The following MARCHF6 variants were observed in gnomAD, a reference collection of about 807,000 sequenced individuals.
MARCHF6 encodes the protein membrane associated ring-CH-type finger 6, also known as E3 ubiquitin-protein ligase MARCHF6.
A neutral mutation model predicts 133.7 loss-of-function variants in MARCHF6; 31 were observed. That is an observed-to-expected ratio of 0.23 (90% CI 0.17 to 0.31). The LOEUF (loss-of-function observed/expected upper bound fraction) is 0.31, where lower values mean the gene tolerates loss of function less well. MARCHF6 is among the 10% of genes least tolerant of loss of function. The pLI is 1.00. For missense variants in MARCHF6, 723 were observed against 1,121.6 expected, an observed-to-expected ratio of 0.64 and a Z score of 5.08; for synonymous variants, 395 against 402.5, an observed-to-expected ratio of 0.98 and a Z score of 0.22.
At chr5:10,376,431 C>A (rs1561107882) in intron 1 of MARCHF6, among the ~76,000 whole-genome samples, 1 of 152,004 alleles carries the variant, frequency 6.6e-6, no homozygotes, top group South Asian at 2.1e-4. Flanking sequence ...AAACTCCAGA[C>A]GCGACACCTT....
intron 20 of MARCHF6, 144 bp from the exon 21 acceptor site, chr5:10,415,344 T>G: frequency 1.3e-6 from 1 of 743,312 alleles, no homozygotes; most frequent in East Asian, 2.6e-5. Flanking sequence ...ATTGTGATTT[T>G]TGTCTTTTGT....
At chr5:10,366,922 T>G (rs1040242165) in intron 1 of MARCHF6, among the ~76,000 whole-genome samples, 3 of 152,238 alleles carry the variant, frequency 2.0e-5, no homozygotes, top group Non-Finnish European at 4.4e-5. Flanking sequence ...TCCAGTGGTA[T>G]ACTGAGTTGA....
At chr5:10,395,099 A>G (rs1056560210) in intron 9 of MARCHF6, among the ~76,000 whole-genome samples, 4 of 152,196 alleles carry the variant, frequency 2.6e-5, no homozygotes, top group African/African-American at 9.6e-5. Flanking sequence ...GCGCCCGGCC[A>G]AAACTAATTC....
rs1740616668 is a variant in MARCHF6 at position 10,435,683 on chromosome 5, ATATATATATATATATTT to A, written c.*2001_*2017del. 1.8e-4 allele frequency: 1 copy of A among 5,704 alleles called. No individual in the cohort carries two copies. The highest frequency in any genetic ancestry group is 6.8e-3 in the East Asian group (1 of 148). 0.4% of individuals were successfully genotyped at this position (5,704 alleles called of 1,614,324 possible). A position where few individuals can be genotyped will look rare whatever the true frequency, so the allele number is the denominator to read the frequency against. On this transcript the variant is annotated 3_prime_UTR_variant, in exon 26 of 26. Coordinates refer to ENST00000274140, the MANE Select transcript of MARCHF6 (RefSeq NM_005885.4). Reference sequence around the variant, plus strand: ...TATATATATATATATATATATATATATATATATATATATATTTTTTTTTTTTTTTTTTTTTTTTTTTT... The same window carrying A: ...TATATATATATATATATATATATATATTTTTTTTTTTTTTTTTTTTTTTTT...
chr5:10,410,759 T>C (rs1739182859), intron 18 of MARCHF6, among the ~76,000 whole-genome samples: 2 of 152,192 alleles, frequency 1.3e-5, no homozygotes, highest in Non-Finnish European at 2.9e-5. Flanking sequence ...CTTGTAGGTA[T>C]CTTAAAGGTG....
At position 10,407,219 on chromosome 5, in the gene MARCHF6, T is replaced by G. The variant is rs1174228142; in HGVS notation, c.1553+17T>G. On this transcript the variant is annotated intron_variant, in intron 17 of 25. Coordinates refer to ENST00000274140, the MANE Select transcript of MARCHF6 (RefSeq NM_005885.4). ...GCTCTACAGGTAAGTTTTAAAAATT[T>G]AGAATAGCTTTACTAATTTATCTCT... The G allele has an allele frequency of 7.3e-7, 1 of 1,370,438 alleles. No individual in the cohort carries two copies. Among genetic ancestry groups the G allele is most frequent in the Non-Finnish European group, 1.0e-6 (1 of 967,980 alleles). The allele number at this position is 1,370,438 out of a possible 1,614,324, so 84.9% of individuals were successfully genotyped here. A position where few individuals can be genotyped will look rare whatever the true frequency, so the allele number is the denominator to read the frequency against.
rs566265237 is a variant in MARCHF6, at chr5:10,426,017, AAC to A, written c.2374-369_2374-368del. On this transcript the variant is annotated intron_variant, in intron 23 of 25. Transcript: ENST00000274140. ...TAAAATGAATGCAATATTGTATAAT[AAC>A]ACAATATTACATATTACGTATCTCT... Among the ~76,000 whole-genome samples the A allele has an allele frequency of 5.4e-3, 816 of 152,374 alleles. 3 individuals carry two copies. Among genetic ancestry groups the A allele is most frequent in the African/African-American group, 0.019 (792 of 41,582 alleles).
At chr5:10,384,734 G>A (rs1301460754) in intron 4 of MARCHF6, among the ~76,000 whole-genome samples, 12 of 152,194 alleles carry the variant, frequency 7.9e-5, no homozygotes, top group Admixed American at 7.9e-4. Flanking sequence ...TCTGGAACAC[G>A]TATACAGTGA....
Position 10,406,944 on chromosome 5 carries a change from A to G in MARCHF6, c.1453-158A>G, listed in dbSNP as rs533596516. Among the ~76,000 whole-genome samples, 6 of 152,356 alleles carry G rather than the reference A, an allele frequency of 3.9e-5. No individual in the cohort carries two copies. The South Asian group carries it at 1.2e-3, about 32-fold the overall frequency. Reference sequence around the variant, plus strand: ...GCATCTTAGGAAAACATTTTTATACAAAATGACTCAAAGATAATGTGTAGA... The same window carrying G: ...GCATCTTAGGAAAACATTTTTATACGAAATGACTCAAAGATAATGTGTAGA... On this transcript the variant is annotated intron_variant, in intron 16 of 25. Coordinates refer to ENST00000274140, the MANE Select transcript of MARCHF6 (RefSeq NM_005885.4).
rs542390711 is a variant in MARCHF6 at position 10,429,078 on chromosome 5, G to C, written c.2507-815G>C. On this transcript the variant is annotated intron_variant, in intron 24 of 25. Coordinates refer to ENST00000274140, the MANE Select transcript of MARCHF6 (RefSeq NM_005885.4). Reference sequence around the variant, plus strand: ...TTTTAAGGAGTAAGAGCAGCATTCAGATTTCAAACTCAGCTCCAGAGCTTA... The same window carrying C: ...TTTTAAGGAGTAAGAGCAGCATTCACATTTCAAACTCAGCTCCAGAGCTTA... Among the ~76,000 whole-genome samples the C allele has an allele frequency of 2.6e-5, 4 of 152,266 alleles. No individual in the cohort carries two copies. In the East Asian group the frequency reaches 7.7e-4, roughly 29 times the overall value.
At chr5:10,356,991 C>T (rs1219901129) in intron 1 of MARCHF6, among the ~76,000 whole-genome samples, 1 of 152,168 alleles carries the variant, frequency 6.6e-6, no homozygotes, top group East Asian at 1.9e-4. Context: ...AATCCATTCT[C>T]ATAATACAGG....
intron 9 of MARCHF6, among the ~76,000 whole-genome samples, chr5:10,395,493 C>G (rs1258073325): frequency 2.6e-5 from 4 of 152,018 alleles, no homozygotes; most frequent in Admixed American, 6.6e-5. Context: ...AGGAACTTTG[C>G]CATATTAGTA....
intron 25 of MARCHF6, among the ~76,000 whole-genome samples, chr5:10,431,417 C>T (rs1028364103): frequency 2.0e-5 from 3 of 152,194 alleles, no homozygotes; most frequent in Admixed American, 1.3e-4. Context: ...TGCCAGGGGT[C>T]TAGACGTTCC....
chr5:10,403,570 T>C (rs373490273), intron 15 of MARCHF6, 29 bp downstream of exon 15: 2 of 1,576,776 alleles, frequency 1.3e-6, no homozygotes, highest in Non-Finnish European at 1.7e-6. Context: ...GCTGATGCTG[T>C]ACATTTATAA....
intron 22 of MARCHF6, among the ~76,000 whole-genome samples, chr5:10,422,515 T>C (rs935369626): frequency 1.3e-5 from 2 of 152,140 alleles, no homozygotes; most frequent in Admixed American, 1.3e-4. Flanking sequence ...TCTGTAGCAC[T>C]GAAAACCATA....
chr5:10,438,941 GCCTCATT>G lies in MARCHF6; in HGVS notation c.*5258_*5264del, dbSNP rs1740750445. 2.6e-5 allele frequency: 4 copies of G among 151,884 alleles called. No homozygotes were observed. The highest frequency in any genetic ancestry group is 1.3e-4 in the Admixed American group (2 of 15,278). 9.4% of individuals were successfully genotyped at this position (151,884 alleles called of 1,614,324 possible). A position where few individuals can be genotyped will look rare whatever the true frequency, so the allele number is the denominator to read the frequency against. On this transcript the variant is annotated 3_prime_UTR_variant, in exon 26 of 26. Coordinates refer to ENST00000274140, the MANE Select transcript of MARCHF6 (RefSeq NM_005885.4). ...AAACACTACGTAGAGGCCCCTTTTTGCCTCATTTTACATTGTTTAGTTATCATTTTGA... is the reference window on the plus strand; with the variant it reads ...AAACACTACGTAGAGGCCCCTTTTTGTTACATTGTTTAGTTATCATTTTGA...
chr5:10,430,386 A>C (rs892725461), intron 25 of MARCHF6, among the ~76,000 whole-genome samples: 2 of 149,936 alleles, frequency 1.3e-5, no homozygotes, highest in African/African-American at 4.9e-5. Context: ...GCTCACTGCA[A>C]CCTCCACCTC....
In MARCHF6 at chr5:10,377,794, G is replaced by A. The variant is rs946731777; in HGVS notation, c.20-4G>A. On this transcript the variant is annotated splice_polypyrimidine_tract_variant and splice_region_variant and intron_variant, in intron 1 of 25. Coordinates refer to ENST00000274140, the MANE Select transcript of MARCHF6 (RefSeq NM_005885.4). ...GAAATTCAATTTTCCTTTTTCATTG[G>A]CAGACATATGTAGAGTGTGTCGGTC... is the stretch of plus-strand genomic sequence containing the variant. The A allele has an allele frequency of 6.3e-7, 1 of 1,599,674 alleles. No homozygotes were observed. Among genetic ancestry groups the A allele is most frequent in the Middle Eastern group, 1.7e-4 (1 of 6,006 alleles).
chr5:10,410,788 AT>A (rs1302690726), intron 18 of MARCHF6, among the ~76,000 whole-genome samples: 4 of 152,144 alleles, frequency 2.6e-5, no homozygotes, highest in Non-Finnish European at 5.9e-5. Flanking sequence ...ATTTGGTTAT[AT>A]TTGCTTGAAC....
Sources: gnomAD v4.1 joint callset for allele counts (sites outside exome capture counted in the v4.1 genomes callset) on GRCh38, gnomAD v4.1.1 for gene constraint, MANE v1.5 for transcripts, NCBI Gene and HGNC (gene_info 2026-07-23, HGNC 2026-07-21) for gene names.